MYDGF: variants seen among roughly 807,000 people sequenced by gnomAD.
The protein encoded by MYDGF is myeloid-derived growth factor.
MYDGF carries 29 observed loss-of-function variants against 24.2 expected under a neutral mutation model. That is an observed-to-expected ratio of 1.20 (90% CI 0.89 to 1.63). MYDGF has a LOEUF of 1.63. Among genes scored for constraint, MYDGF ranks in the 40% most tolerant of loss-of-function variants. The pLI is 0.00. For missense variants in MYDGF, 245 were observed against 234.8 expected (o/e 1.04, Z -0.29); for synonymous variants, 105 against 102.5 (o/e 1.02, Z -0.15).
rs2088461721 is a variant in MYDGF, at chr19:4,660,565, C to G, written c.369+104G>C. ...CTACCTCTGCAGGATTCGCTGTCCC[C>G]TCTCCTCCCTGTCCCCATGGAGCCC... On this transcript the variant is annotated intron_variant, in intron 4 of 5. Transcript: ENST00000262947. 4.5e-6 allele frequency: 5 copies of G among 1,110,460 alleles called. 1 individual carries two copies. In the South Asian group the frequency reaches 6.7e-5, roughly 15 times the overall value. The allele number at this position is 1,110,460 out of a possible 1,614,324, so 68.8% of individuals were successfully genotyped here. A position where few individuals can be genotyped will look rare whatever the true frequency, so the allele number is the denominator to read the frequency against.
chr19:4,664,056 G>A (rs2088501865), intron 3 of MYDGF, among the ~76,000 whole-genome samples: 1 of 151,936 alleles, frequency 6.6e-6, no homozygotes, highest in Admixed American at 6.6e-5. Context: ...CACGTTCAGT[G>A]AGAGACGCCA....
chr19:4,666,610 C>T (rs1431168884), intron 2 of MYDGF, among the ~76,000 whole-genome samples: 1 of 151,944 alleles, frequency 6.6e-6, no homozygotes, highest in Non-Finnish European at 1.5e-5. Context: ...CCCATGAATC[C>T]CACTTCTGGG....
chr19:4,661,486 A>G (rs931398994), intron 3 of MYDGF, among the ~76,000 whole-genome samples: 3 of 152,262 alleles, frequency 2.0e-5, no homozygotes, highest in African/African-American at 4.8e-5. Flanking sequence ...AGTTAACTTA[A>G]GAAGTGGGGA....
intron 1 of MYDGF, among the ~76,000 whole-genome samples, chr19:4,669,884 ACT>A (rs1057226094): frequency 6.6e-6 from 1 of 151,734 alleles, no homozygotes; most frequent in Non-Finnish European, 1.5e-5. Context: ...GTGCCTGGAC[ACT>A]CCAGGCAGGC....
In MYDGF at chr19:4,658,019, G is replaced by C; in HGVS notation, c.508C>G (p.Arg170Gly). Reference protein sequence around the residue: ...SKLVIVAKASRTEL With the variant: ...SKLVIVAKASGTEL Reference sequence around the variant, plus strand: ...AGGGCTGCTGGTCACAGCTCAGTGCGCGATGCCTTGGCCACAATCACCAGC... The same window carrying C: ...AGGGCTGCTGGTCACAGCTCAGTGCCCGATGCCTTGGCCACAATCACCAGC... The change falls in exon 6 of 6, where the codon CGC (arginine) becomes GGC (glycine). Residue 170 changes from arginine (R) to glycine (G), a missense_variant. By Grantham distance (125) the Arg-to-Gly change is moderately radical (BLOSUM62 -2). Transcript: ENST00000262947. The C allele has an allele frequency of 6.2e-7, 1 of 1,610,608 alleles. No individual in the cohort carries two copies. Among genetic ancestry groups the C allele is most frequent in the Non-Finnish European group, 8.5e-7 (1 of 1,179,074 alleles).
intron 2 of MYDGF, 85 bp from the exon 3 acceptor site, chr19:4,665,022 G>A: frequency 6.9e-7 from 1 of 1,444,272 alleles, no homozygotes; most frequent in East Asian, 2.5e-5. Flanking sequence ...TCTACAGTCA[G>A]GCCACCTCTT....
intron 5 of MYDGF, chr19:4,659,571 A>T: frequency 2.3e-6 from 1 of 434,482 alleles, no homozygotes; most frequent in Non-Finnish European, 4.1e-6. Context: ...TATGTTGCCC[A>T]GGCTGGTCTT....
At chr19:4,668,276 G>A (rs1452376975) in intron 2 of MYDGF, among the ~76,000 whole-genome samples, 3 of 152,206 alleles carry the variant, frequency 2.0e-5, no homozygotes, top group Non-Finnish European at 4.4e-5. Flanking sequence ...AATGGGTGCT[G>A]TTTTAAGCCC....
Position 4,670,156 on chromosome 19 carries a change from C to A in MYDGF, c.174+5G>T. 6.6e-7 allele frequency: 1 copy of A among 1,521,518 alleles called. No individual in the cohort carries two copies. The highest frequency in any genetic ancestry group is 8.8e-7 in the Non-Finnish European group (1 of 1,133,870). The allele number at this position is 1,521,518 out of a possible 1,614,324, so 94.3% of individuals were successfully genotyped here. On this transcript the variant is annotated splice_donor_5th_base_variant and intron_variant, in intron 1 of 5. Coordinates refer to ENST00000262947, the MANE Select transcript of MYDGF (RefSeq NM_019107.4). ...TCAAATATCCGGGACGGCGGTGGCA[C>A]GTACCCCCGGGCCCACGTTATGGGA...
At chr19:4,659,837 ACC>A in intron 5 of MYDGF, 92 bp downstream of exon 5, 1 of 1,061,490 alleles carries the variant, frequency 9.4e-7, no homozygotes, top group Non-Finnish European at 1.5e-6. Flanking sequence ...AGTCTCCAGG[ACC>A]CCTATGGCTG....
At chr19:4,662,657 A>G (rs894217862) in intron 3 of MYDGF, among the ~76,000 whole-genome samples, 8 of 152,238 alleles carry the variant, frequency 5.3e-5, no homozygotes, top group South Asian at 4.1e-4. Context: ...GAGAGTGCAC[A>G]GCTTTTGTCT....
At chr19:4,662,454 T>G (rs897490419) in intron 3 of MYDGF, among the ~76,000 whole-genome samples, 15 of 152,110 alleles carry the variant, frequency 9.9e-5, no homozygotes, top group African/African-American at 3.4e-4. Flanking sequence ...TTCCTTCCCT[T>G]CATGACCTTG....
rs2088555749 is a variant in MYDGF, at chr19:4,670,268, C to T, written c.67G>A (p.Ala23Thr). Residue 23 changes from alanine to threonine, a missense_variant, in exon 1 of 6, where the codon GCC (alanine) becomes ACC (threonine). Coordinates refer to ENST00000262947, the MANE Select transcript of MYDGF (RefSeq NM_019107.4). ...ASLWAALLLG[A>T]VALRPAEAVS... The stretch of plus-strand genomic sequence containing the variant: ...GCCTCCGCCGGCCTCAGCGCCACGG[C>T]CCCTAGGAGCAGCGCGGCCCACAAG... 1 of 1,551,630 alleles carries T rather than the reference C, an allele frequency of 6.4e-7. No individual in the cohort carries two copies. Among genetic ancestry groups the T allele is most frequent in the Non-Finnish European group, 8.7e-7 (1 of 1,151,278 alleles).
At chr19:4,668,824 G>C (rs941503251) in intron 1 of MYDGF, 179 bp from the exon 2 acceptor site, 2 of 536,458 alleles carry the variant, frequency 3.7e-6, no homozygotes, top group South Asian at 4.1e-5. Flanking sequence ...TGAGACAATA[G>C]GTACGCAACC....
At chr19:4,665,031 T>C (rs75562772) in intron 2 of MYDGF, 94 bp from the exon 3 acceptor site, 23,040 of 1,350,438 alleles carry the variant, frequency 0.017, 354 homozygotes, top group Middle Eastern at 0.054. Context: ...AGGCCACCTC[T>C]TCTGTACCTC....
chr19:4,666,129 G>A (rs2088519765), intron 2 of MYDGF, among the ~76,000 whole-genome samples: 1 of 151,956 alleles, frequency 6.6e-6, no homozygotes, highest in Non-Finnish European at 1.5e-5. Flanking sequence ...ACCAGCCTGG[G>A]CAACATAGCG....
At chr19:4,669,673 C>T (rs1204851857) in intron 1 of MYDGF, among the ~76,000 whole-genome samples, 1 of 152,184 alleles carries the variant, frequency 6.6e-6, no homozygotes, top group African/African-American at 2.4e-5. Context: ...AGGACTTTGC[C>T]GACAAGCTGA....
chr19:4,661,643 C>T (rs2088471901), intron 3 of MYDGF, among the ~76,000 whole-genome samples: 1 of 151,900 alleles, frequency 6.6e-6, no homozygotes, highest in South Asian at 2.1e-4. Flanking sequence ...AGCAGGGGGG[C>T]CATTTCTGTG....
Position 4,660,750 on chromosome 19 carries a change from C to A in MYDGF, c.288G>T (p.Arg96Ser). 1 of 1,613,310 alleles carries A rather than the reference C, an allele frequency of 6.2e-7. No individual in the cohort carries two copies. The highest frequency in any genetic ancestry group is 8.5e-7 in the Non-Finnish European group (1 of 1,179,692). Residue 96 changes from arginine to serine, a missense_variant and splice_region_variant, in exon 4 of 6, where the codon AGG (arginine) becomes AGT (serine). Coordinates refer to ENST00000262947, the MANE Select transcript of MYDGF (RefSeq NM_019107.4). ...DHQHFTCTIW[R>S]PQGKSYLYFT... ...AGTACAGATAGGACTTCCCCTGGGG[C>A]CTGCAGAGGAAGAGGGGGCGAGGGA...
Sources: allele counts gnomAD v4.1 joint callset (sites outside exome capture counted in the v4.1 genomes callset), GRCh38; gene constraint gnomAD v4.1.1; transcripts MANE v1.5; gene names NCBI Gene and HGNC (gene_info 2026-07-23, HGNC 2026-07-21).